Variants in CDC42BPA observed in about 807,000 individuals in gnomAD.
CDC42BPA encodes the protein CDC42 binding protein kinase alpha.
CDC42BPA carries 80 observed loss-of-function variants against 223.5 expected under a neutral mutation model. That is an observed-to-expected ratio of 0.36 (90% confidence interval 0.30 to 0.43). The LOEUF (loss-of-function observed/expected upper bound fraction) is 0.43, where lower values mean the gene tolerates loss of function less well. Among genes scored for constraint, CDC42BPA ranks in the 20% least tolerant of loss-of-function variants. The pLI, the probability that CDC42BPA is intolerant of heterozygous loss-of-function variation, is 1.00. For synonymous variants in CDC42BPA, 694 were observed against 718.6 expected, an observed-to-expected ratio of 0.97 and a Z score of 0.55; for missense variants, 1,743 against 2,099.9, an observed-to-expected ratio of 0.83 and a Z score of 3.32.
At chr1:227,113,090 C>T (rs965119035) in intron 12 of CDC42BPA, among the ~76,000 whole-genome samples, 177 bp from the exon 13 acceptor site, 1 of 152,200 alleles carries the variant, frequency 6.6e-6, no homozygotes, top group African/African-American at 2.4e-5. Flanking sequence ...GATATAGTCT[C>T]AATTCCTTAT....
At chr1:227,202,355 C>T (rs936955493) in intron 3 of CDC42BPA, among the ~76,000 whole-genome samples, 4 of 151,626 alleles carry the variant, frequency 2.6e-5, no homozygotes, top group Non-Finnish European at 2.9e-5. Flanking sequence ...TATGATTTAA[C>T]CAACCTGAGG....
chr1:227,193,632 A>G (rs1670151556), intron 5 of CDC42BPA, 154 bp downstream of exon 5: 1 of 587,008 alleles, frequency 1.7e-6, no homozygotes, highest in African/African-American at 1.9e-5. Context: ...TAACAACAAC[A>G]AAGCAAAACA....
At chr1:227,126,464 A>AAGGAAGG (rs1689618776) in intron 11 of CDC42BPA, among the ~76,000 whole-genome samples, 1 of 130,476 alleles carries the variant, frequency 7.7e-6, no homozygotes, top group African/African-American at 2.9e-5. Flanking sequence ...GCAGTACAAG[A>AAGGAAGG]AAGGAAGGAA....
intron 16 of CDC42BPA, among the ~76,000 whole-genome samples, chr1:227,085,243 C>A (rs1191869432): frequency 6.6e-6 from 1 of 152,162 alleles, no homozygotes; most frequent in African/African-American, 2.4e-5. Flanking sequence ...GGAACCCTAA[C>A]TAATACAGGC....
At chr1:227,102,431 A>T (rs1685204140) in intron 14 of CDC42BPA, among the ~76,000 whole-genome samples, 1 of 152,200 alleles carries the variant, frequency 6.6e-6, no homozygotes, top group Non-Finnish European at 1.5e-5. Flanking sequence ...CATCGCTATG[A>T]AAATGAGAAC....
chr1:227,272,983 C>T (rs1285294431), intron 1 of CDC42BPA, among the ~76,000 whole-genome samples: 2 of 152,106 alleles, frequency 1.3e-5, no homozygotes, highest in African/African-American at 2.4e-5. Flanking sequence ...GTATTTTATA[C>T]ATAAGTGAGA....
intron 5 of CDC42BPA, among the ~76,000 whole-genome samples, chr1:227,162,597 G>T (rs1572062582): frequency 1.3e-5 from 2 of 152,168 alleles, no homozygotes; most frequent in South Asian, 4.1e-4. Flanking sequence ...AAAGGAGGCC[G>T]AGGAGGGAGG....
At chr1:227,097,142 T>C (rs1684151592) in intron 15 of CDC42BPA, among the ~76,000 whole-genome samples, 1 of 152,082 alleles carries the variant, frequency 6.6e-6, no homozygotes, top group Non-Finnish European at 1.5e-5. Context: ...TTCTATCAGA[T>C]TACAAGCATG....
At chr1:227,020,151 C>G (rs1667108561) in intron 32 of CDC42BPA, among the ~76,000 whole-genome samples, 1 of 152,308 alleles carries the variant, frequency 6.6e-6, no homozygotes, top group Non-Finnish European at 1.5e-5. Flanking sequence ...CTGCCTCAGC[C>G]TCCCAAAGTG....
At chr1:227,009,723 C>G (rs1664803515) in intron 34 of CDC42BPA, among the ~76,000 whole-genome samples, 1 of 152,044 alleles carries the variant, frequency 6.6e-6, no homozygotes, top group African/African-American at 2.4e-5. Flanking sequence ...GTGAAAAGTT[C>G]CTGATTAACA....
intron 1 of CDC42BPA, among the ~76,000 whole-genome samples, chr1:227,304,268 T>C: frequency 6.6e-6 from 1 of 152,100 alleles, no homozygotes; most frequent in Admixed American, 6.5e-5. Flanking sequence ...CAGCCAGGCA[T>C]AGTAGCACAT....
intron 20 of CDC42BPA, among the ~76,000 whole-genome samples, chr1:227,071,283 T>C (rs962628892): frequency 3.9e-5 from 6 of 151,962 alleles, no homozygotes; most frequent in African/African-American, 9.7e-5. Flanking sequence ...TGAGAAATGA[T>C]AGGAAAGCAC....
In CDC42BPA at chr1:227,047,993, T is replaced by C. The variant is rs1433144699; in HGVS notation, c.3027A>G (p.Pro1009=). 4 of 1,609,828 alleles carry C rather than the reference T, an allele frequency of 2.5e-6. No individual in the cohort carries two copies. Among genetic ancestry groups the C allele is most frequent in the Non-Finnish European group, 2.5e-6 (3 of 1,176,810 alleles). Residue 1009 remains proline (P), a synonymous_variant, in exon 23 of 37, where the codon CCA becomes CCG. Coordinates refer to ENST00000366766, the MANE Select transcript of CDC42BPA (RefSeq NM_001394014.1). Reference sequence around the variant, plus strand: ...TTAAGGTTGGTGTGTGAACTGAAAGTGGAGTGGAGTCTACAGTCTGAACCC... The same window carrying C: ...TTAAGGTTGGTGTGTGAACTGAAAGCGGAGTGGAGTCTACAGTCTGAACCC... ...AEPVKTVDST[P]LSVHTPTLRK... is the part of the protein sequence containing the mutation.
At chr1:227,250,444 C>T (rs112410117) in intron 2 of CDC42BPA, among the ~76,000 whole-genome samples, 4,006 of 152,048 alleles carry the variant, frequency 0.026, 195 homozygotes, top group African/African-American at 0.092. Flanking sequence ...GCCAAGATTG[C>T]ACCACTGCAC....
At chr1:227,124,040 T>A (rs1371412711) in intron 11 of CDC42BPA, among the ~76,000 whole-genome samples, 2 of 152,146 alleles carry the variant, frequency 1.3e-5, no homozygotes, top group Non-Finnish European at 2.9e-5. Flanking sequence ...GGTATGAATT[T>A]TTTATTTAAA....
chr1:227,268,681 C>CATATATATATAT (rs1403307930), intron 1 of CDC42BPA, among the ~76,000 whole-genome samples: 2 of 140,910 alleles, frequency 1.4e-5, no homozygotes, highest in African/African-American at 5.4e-5. Flanking sequence ...TATATATATA[C>CATATATATATAT]ACACACACAC....
intron 1 of CDC42BPA, among the ~76,000 whole-genome samples, chr1:227,286,871 A>C (rs566323939): frequency 6.6e-6 from 1 of 152,208 alleles, no homozygotes; most frequent in Non-Finnish European, 1.5e-5. Flanking sequence ...GGAGAAAAGA[A>C]GCTGGCATGT....
At chr1:227,156,371 T>G (rs1662781967) in intron 6 of CDC42BPA, among the ~76,000 whole-genome samples, 1 of 151,368 alleles carries the variant, frequency 6.6e-6, no homozygotes, top group Non-Finnish European at 1.5e-5. Flanking sequence ...CTCAGGCTGG[T>G]CTCAAACTCC....
At chr1:227,098,435 T>C (rs1425766251) in intron 15 of CDC42BPA, among the ~76,000 whole-genome samples, 1 of 152,086 alleles carries the variant, frequency 6.6e-6, no homozygotes, top group African/African-American at 2.4e-5. Context: ...CTAATAAGCA[T>C]CTCAACTGTA....
Sources: gnomAD v4.1 joint callset for allele counts (sites outside exome capture counted in the v4.1 genomes callset) on GRCh38, gnomAD v4.1.1 for gene constraint, MANE v1.5 for transcripts, NCBI Gene and HGNC (gene_info 2026-07-23, HGNC 2026-07-21) for gene names.